The following COL11A1 variants were observed in gnomAD, a reference collection of about 807,000 sequenced individuals.
COL11A1 encodes the protein collagen alpha-1(XI) chain.
COL11A1 carries 74 observed loss-of-function variants against 265.2 expected under a neutral mutation model. The observed-to-expected ratio is 0.28, with a 90% CI of 0.23 to 0.34. The LOEUF is 0.34. Ranked by LOEUF, COL11A1 falls within the 10% of genes least tolerant of loss-of-function variation. The pLI, the probability that COL11A1 is intolerant of heterozygous loss-of-function variation, is 1.00. For synonymous variants in COL11A1, 816 were observed against 727.6 expected, an observed-to-expected ratio of 1.12 and a Z score of -1.96; for missense variants, 2,165 against 2,263.6, an observed-to-expected ratio of 0.96 and a Z score of 0.88.
intron 28 of COL11A1, among the ~76,000 whole-genome samples, chr1:102,994,515 A>G (rs1479362339): frequency 6.6e-6 from 1 of 152,066 alleles, no homozygotes; most frequent in African/African-American, 2.4e-5. Flanking sequence ...AGCAGATGCC[A>G]CTATGCTTCC....
chr1:103,098,518 C>T (rs1456078403), intron 1 of COL11A1, among the ~76,000 whole-genome samples: 1 of 151,792 alleles, frequency 6.6e-6, no homozygotes, highest in Admixed American at 6.6e-5. Context: ...TGATACTAAG[C>T]CACGGACCCC....
At chr1:102,998,225 C>A in intron 25 of COL11A1, 85 bp downstream of exon 25, 2 of 1,093,590 alleles carry the variant, frequency 1.8e-6, no homozygotes, top group Non-Finnish European at 2.8e-6. Flanking sequence ...TTACTAACCT[C>A]ATATAATCAT....
At chr1:103,105,710 A>G (rs573685914) in intron 1 of COL11A1, among the ~76,000 whole-genome samples, 1 of 152,296 alleles carries the variant, frequency 6.6e-6, no homozygotes, top group African/African-American at 2.4e-5. Flanking sequence ...TTCAACCACA[A>G]ATCTAAAGGT....
chr1:102,950,707 C>T (rs1038638822), intron 41 of COL11A1, among the ~76,000 whole-genome samples: 2 of 152,170 alleles, frequency 1.3e-5, no homozygotes, highest in Non-Finnish European at 2.9e-5. Context: ...TCCTATACTA[C>T]TAAAATTCCA....
chr1:102,971,706 T>C (rs1661993206), intron 36 of COL11A1, among the ~76,000 whole-genome samples: 1 of 152,152 alleles, frequency 6.6e-6, no homozygotes, highest in Non-Finnish European at 1.5e-5. Context: ...TTCTTGGTGG[T>C]GCCAGAACCA....
chr1:102,984,246 A>T, intron 30 of COL11A1, 55 bp from the exon 31 acceptor site: 1 of 1,176,204 alleles, frequency 8.5e-7, no homozygotes, highest in Non-Finnish European at 1.2e-6. Context: ...ATTAAGCTTA[A>T]ATAATGATTT....
chr1:102,898,837 A>C, intron 55 of COL11A1, 64 bp from the exon 56 acceptor site: 1 of 1,488,512 alleles, frequency 6.7e-7, no homozygotes, highest in South Asian at 1.2e-5. Flanking sequence ...ATTTTATTAA[A>C]TGCACTGAAA....
intron 46 of COL11A1, among the ~76,000 whole-genome samples, chr1:102,934,211 A>G (rs1342466502): frequency 6.6e-6 from 1 of 152,202 alleles, no homozygotes; most frequent in Non-Finnish European, 1.5e-5. Context: ...AGGTGGGTCT[A>G]AAAATACTCC....
rs769722352 is a variant in COL11A1, at chr1:103,108,226, A to G, written c.-48T>C. 2.1e-6 allele frequency: 3 copies of G among 1,449,976 alleles called. No individual in the cohort carries two copies. Among genetic ancestry groups the G allele is most frequent in the South Asian group, 2.3e-5 (2 of 87,284 alleles). The allele number at this position is 1,449,976 out of a possible 1,614,324, so 89.8% of individuals were successfully genotyped here. ...TGTGAACTCAACCCACGAAATTGCGACTGCAGACCAACTTCGTCCTTTCCA... is the reference window on the plus strand; with the variant it reads ...TGTGAACTCAACCCACGAAATTGCGGCTGCAGACCAACTTCGTCCTTTCCA... On this transcript the variant is annotated 5_prime_UTR_variant, in exon 1 of 67. Transcript: ENST00000370096.
chr1:102,987,268 G>A (rs1570951620), intron 30 of COL11A1, among the ~76,000 whole-genome samples: 1 of 132,516 alleles, frequency 7.5e-6, no homozygotes, highest in Non-Finnish European at 1.7e-5. Context: ...ATATATATAT[G>A]TATGTATATG....
chr1:102,889,180 C>T (rs61813926), intron 59 of COL11A1, among the ~76,000 whole-genome samples: 310 of 152,100 alleles, frequency 2.0e-3, no homozygotes, highest in Non-Finnish European at 3.7e-3. Context: ...ATTCCTTTAT[C>T]CCTCAGAATA....
Position 102,883,188 on chromosome 1 carries a change from T to G in COL11A1, c.4971+11A>C. The G allele has an allele frequency of 1.3e-6, 2 of 1,557,934 alleles. No individual in the cohort carries two copies. The highest frequency in any genetic ancestry group is 1.8e-6 in the Non-Finnish European group (2 of 1,129,018). ...TGTCAACATTCACCACCAAAACAGA[T>G]TGGTACTTACTCCCTCAGATTTTTT... On this transcript the variant is annotated intron_variant, in intron 64 of 66. Transcript: ENST00000370096.
At chr1:102,975,545 G>C (rs1468383473) in intron 35 of COL11A1, among the ~76,000 whole-genome samples, 1 of 151,912 alleles carries the variant, frequency 6.6e-6, no homozygotes, top group African/African-American at 2.4e-5. Flanking sequence ...TTCTTGGCTT[G>C]ATTTTTAATT....
chr1:103,008,507 C>A lies in COL11A1; in HGVS notation c.1639G>T (p.Gly547Cys). 1 of 1,613,820 alleles carries A rather than the reference C, an allele frequency of 6.2e-7. No individual in the cohort carries two copies. The highest frequency in any genetic ancestry group is 8.5e-7 in the Non-Finnish European group (1 of 1,179,822). ...CTCTCACCTTTGGCCCCAGATGAAC[C>A]AGGCCCCCCCTATAGAGAAAAAGTG... ...TGRPGPVGGPGSSGAKGESGD... is the reference protein window; with the variant it reads ...TGRPGPVGGPCSSGAKGESGD... The change falls in exon 15 of 67, where the codon GGT becomes TGT. Residue 547 changes from glycine (G) to cysteine (C), a missense_variant. Coordinates refer to ENST00000370096, the MANE Select transcript of COL11A1 (RefSeq NM_001854.4).
At chr1:102,932,663 C>G (rs1268937392) in intron 46 of COL11A1, among the ~76,000 whole-genome samples, 1 of 152,058 alleles carries the variant, frequency 6.6e-6, no homozygotes, top group African/African-American at 2.4e-5. Context: ...GGGAAGTTCT[C>G]CTGGATAATA....
chr1:103,018,434 T>C (rs1001726279), intron 10 of COL11A1, among the ~76,000 whole-genome samples: 2 of 152,160 alleles, frequency 1.3e-5, no homozygotes, highest in Non-Finnish European at 2.9e-5. Context: ...TGGAATCTGA[T>C]AATTACTCCA....
At chr1:102,976,602 G>A (rs2622843) in intron 35 of COL11A1, among the ~76,000 whole-genome samples, 152,222 of 152,222 alleles carry the variant, frequency 1, 76,111 homozygotes, top group Non-Finnish European at 1. Context: ...CCTGGCTGGC[G>A]TATTCTTTTC....
intron 2 of COL11A1, among the ~76,000 whole-genome samples, chr1:103,079,208 C>G (rs1205510937): frequency 6.6e-6 from 1 of 152,050 alleles, no homozygotes; most frequent in African/African-American, 2.4e-5. Flanking sequence ...CTAATTTTGG[C>G]CTAAAGTTTG....
At chr1:103,057,273 C>G (rs1050820149) in intron 4 of COL11A1, among the ~76,000 whole-genome samples, 1 of 152,128 alleles carries the variant, frequency 6.6e-6, no homozygotes, top group African/African-American at 2.4e-5. Flanking sequence ...ACTTTATTTC[C>G]TTATCCATAA....
Sources: gnomAD v4.1 joint callset for allele counts (sites outside exome capture counted in the v4.1 genomes callset) on GRCh38, gnomAD v4.1.1 for gene constraint, MANE v1.5 for transcripts, NCBI Gene and HGNC (gene_info 2026-07-23, HGNC 2026-07-21) for gene names.